The following URB1 variants were observed in gnomAD, a reference collection of about 807,000 sequenced individuals.
URB1 encodes the protein nucleolar pre-ribosomal-associated protein 1.
In URB1, 197 loss-of-function variants were observed where a neutral mutation model predicts 242.3. The ratio of observed to expected loss-of-function variants is 0.81; its 90% CI spans 0.72 to 0.91. URB1 has a LOEUF of 0.91. Among genes scored for constraint, URB1 ranks in the 40% least tolerant of loss-of-function variants. The pLI is 0.00. For missense variants in URB1, 2,721 were observed against 2,860.5 expected (o/e 0.95, Z 1.11); for synonymous variants, 1,153 against 1,201.8 (o/e 0.96, Z 0.84).
In URB1 at chr21:32,322,582, C is replaced by A; in HGVS notation, c.5236G>T (p.Glu1746Ter). 1.3e-6 allele frequency: 2 copies of A among 1,551,262 alleles called. No individual in the cohort carries two copies. Among genetic ancestry groups the A allele is most frequent in the South Asian group, 2.4e-5 (2 of 84,054 alleles). Residue 1746 changes from glutamate to a stop codon, truncating the protein, a stop_gained and splice_region_variant, in exon 33 of 39, where the codon GAG becomes TAG. Transcript: ENST00000382751. LOFTEE classifies it high-confidence loss of function. The stretch of plus-strand genomic sequence containing the variant: ...TTGCTGACCTTCAGGTACATGTGCT[C>A]CTCTGAGAACACAGGCAGTCAGTCA... ...KAALQILKPE[E>*]HMYLKVSNFL... is the part of the protein sequence containing the mutation.
intron 23 of URB1, 62 bp downstream of exon 23, chr21:32,345,312 T>C: frequency 1.3e-6 from 2 of 1,510,536 alleles, no homozygotes; most frequent in Non-Finnish European, 9.0e-7. Context: ...ACTTACTCTA[T>C]GAATTAAAAA....
chr21:32,358,048 A>G (rs187630385), intron 14 of URB1, among the ~76,000 whole-genome samples: 6 of 152,248 alleles, frequency 3.9e-5, no homozygotes, highest in Admixed American at 3.9e-4. Context: ...AAAACAAAAC[A>G]TAACGTAGCA....
intron 17 of URB1, among the ~76,000 whole-genome samples, 167 bp downstream of exon 17, chr21:32,354,692 C>T (rs2033198549): frequency 6.6e-6 from 1 of 152,224 alleles, no homozygotes; most frequent in Non-Finnish European, 1.5e-5. Context: ...TTTCCCATTA[C>T]ATGAACACAT....
At chr21:32,383,346 G>C in intron 4 of URB1, 76 bp downstream of exon 4, 1 of 1,462,120 alleles carries the variant, frequency 6.8e-7, no homozygotes, top group South Asian at 1.4e-5. Flanking sequence ...CAGGGGCAGA[G>C]AATGGAGGAA....
At chr21:32,346,425 CAG>C (rs1184098330) in intron 22 of URB1, among the ~76,000 whole-genome samples, 5 of 152,198 alleles carry the variant, frequency 3.3e-5, no homozygotes, top group Middle Eastern at 3.2e-3. Context: ...TTATGCAAAA[CAG>C]AGGCAAAGTG....
intron 4 of URB1, among the ~76,000 whole-genome samples, chr21:32,380,765 A>T (rs953513587): frequency 6.6e-6 from 1 of 152,214 alleles, no homozygotes; most frequent in Non-Finnish European, 1.5e-5. Context: ...TGGCAAAATT[A>T]AATTAAGTTC....
chr21:32,364,794 C>CAA (rs3840079), intron 10 of URB1, among the ~76,000 whole-genome samples: 22 of 151,264 alleles, frequency 1.5e-4, no homozygotes, highest in East Asian at 7.8e-4. Flanking sequence ...AGAAATAAAA[C>CAA]AAAAAAAAAC....
intron 36 of URB1, 133 bp from the exon 37 acceptor site, chr21:32,318,050 A>G: frequency 4.9e-6 from 6 of 1,223,194 alleles, no homozygotes; most frequent in Non-Finnish European, 6.8e-6. Context: ...TTTCCTGCAC[A>G]GCAGACATCT....
At chr21:32,342,126 C>CA (rs1410254152) in intron 24 of URB1, among the ~76,000 whole-genome samples, 1 of 152,108 alleles carries the variant, frequency 6.6e-6, no homozygotes, top group Non-Finnish European at 1.5e-5. Context: ...ATCAAATAGT[C>CA]AAAGGAAATT....
intron 12 of URB1, among the ~76,000 whole-genome samples, chr21:32,361,351 A>G (rs1160960267): frequency 6.6e-6 from 1 of 150,530 alleles, no homozygotes; most frequent in Non-Finnish European, 1.5e-5. Flanking sequence ...AATGTGGTAA[A>G]ACGTTAAAAC....
At position 32,322,356 on chromosome 21, in the gene URB1, G is replaced by A. The variant is rs1397036786; in HGVS notation, c.5340+122C>T. On this transcript the variant is annotated intron_variant, in intron 33 of 38. Coordinates refer to ENST00000382751, the MANE Select transcript of URB1 (RefSeq NM_014825.3). The stretch of plus-strand genomic sequence containing the variant: ...CGAAGTGCAGGCCTGCGTGGCCACC[G>A]ACTGCACAATCGTGTTGGCCGTGCA... The A allele has an allele frequency of 1.3e-5, 12 of 903,024 alleles. No individual in the cohort carries two copies. The East Asian group carries it at 2.1e-4, about 16-fold the overall frequency. 55.9% of individuals were successfully genotyped at this position (903,024 alleles called of 1,614,324 possible).
At position 32,325,232 on chromosome 21, in the gene URB1, G is replaced by T. The variant is rs2032815571; in HGVS notation, c.5118C>A (p.Ser1706=). 1 of 1,550,034 alleles carries T rather than the reference G, an allele frequency of 6.5e-7. No homozygotes were observed. Among genetic ancestry groups the T allele is most frequent in the Admixed American group, 2.0e-5 (1 of 50,934 alleles). Residue 1706 remains serine (S), a synonymous_variant, in exon 31 of 39, where the codon TCC becomes TCA. Transcript: ENST00000382751. ...GATGTACGCTCTTCCTACTTACCTGGGACTGCTCTTGGAACCGTGCGCCCT... is the reference window on the plus strand; with the variant it reads ...GATGTACGCTCTTCCTACTTACCTGTGACTGCTCTTGGAACCGTGCGCCCT... ...HLEGARFQEQ[S]QLLYLLDVVR...
At chr21:32,321,707 G>A (rs552321549) in intron 34 of URB1, 94 bp downstream of exon 34, 2 of 1,506,628 alleles carry the variant, frequency 1.3e-6, no homozygotes, top group Non-Finnish European at 1.8e-6. Context: ...TGTCCAGGCT[G>A]GGAACTGAAT....
intron 1 of URB1, among the ~76,000 whole-genome samples, chr21:32,389,702 GAGA>G (rs2033618538): frequency 2.0e-5 from 3 of 152,356 alleles, no homozygotes; most frequent in Admixed American, 6.5e-5. Context: ...GCAATGTGGG[GAGA>G]AGGAGATCAA....
chr21:32,324,073 G>C (rs1302173288), intron 32 of URB1, among the ~76,000 whole-genome samples: 1 of 152,172 alleles, frequency 6.6e-6, no homozygotes, highest in Non-Finnish European at 1.5e-5. Context: ...GGAAGTCCAG[G>C]ACCGTCTGGC....
rs1568829676 is a variant in URB1 at position 32,373,670 on chromosome 21, C to A, written c.853G>T (p.Asp285Tyr). 3 of 1,541,210 alleles carry A rather than the reference C, an allele frequency of 1.9e-6. No individual in the cohort carries two copies. The highest frequency in any genetic ancestry group is 2.5e-5 in the East Asian group (1 of 40,184). ...ACCTTGACATTTTCTGGGTTCACAT[C>A]GGTAATCCCATTCCAGTTGTACAGC... The part of the protein sequence containing the change: ...ASLYNWNGIT[D>Y]VNPENVKVSA... The change falls in exon 7 of 39, where the codon GAT becomes TAT. Residue 285 changes from aspartate to tyrosine, a missense_variant. By Grantham distance (160) the Asp-to-Tyr change is radical (BLOSUM62 -3). Coordinates refer to ENST00000382751, the MANE Select transcript of URB1 (RefSeq NM_014825.3).
intron 32 of URB1, among the ~76,000 whole-genome samples, chr21:32,323,470 T>C (rs2032791769): frequency 6.6e-6 from 1 of 152,178 alleles, no homozygotes; most frequent in African/African-American, 2.4e-5. Flanking sequence ...AGTCACACTA[T>C]CTTAGCAGTG....
chr21:32,392,215 G>A (rs202045911), intron 1 of URB1, among the ~76,000 whole-genome samples: 4 of 152,200 alleles, frequency 2.6e-5, no homozygotes, highest in African/African-American at 9.7e-5. Context: ...CGCGAAGGGT[G>A]GTCACACTTT....
In URB1 at chr21:32,350,869, G is replaced by A; in HGVS notation, c.2667C>T (p.Ser889=). Residue 889 remains serine (S), a synonymous_variant, in exon 20 of 39, where the codon TCC becomes TCT. Coordinates refer to ENST00000382751, the MANE Select transcript of URB1 (RefSeq NM_014825.3). ...PSPPALPLAS[S]FTALLQAAYE... ...AGGCTGCCTGCAGCAGGGCTGTGAA[G>A]GACGAGGCCAAGGGAAGGGCAGGGG... 2 of 1,550,656 alleles carry A rather than the reference G, an allele frequency of 1.3e-6. No individual in the cohort carries two copies. Among genetic ancestry groups the A allele is most frequent in the Non-Finnish European group, 1.7e-6 (2 of 1,147,004 alleles).
Sources: gnomAD v4.1 joint callset for allele counts (sites outside exome capture counted in the v4.1 genomes callset) on GRCh38, gnomAD v4.1.1 for gene constraint, MANE v1.5 for transcripts, NCBI Gene and HGNC (gene_info 2026-07-23, HGNC 2026-07-21) for gene names.